Variants in PALS2 observed in about 807,000 individuals in gnomAD.
PALS2 encodes protein PALS2.
PALS2 carries 27 observed loss-of-function variants against 61.6 expected under a neutral mutation model. That is an observed-to-expected ratio of 0.44 (90% confidence interval 0.32 to 0.60). The LOEUF (loss-of-function observed/expected upper bound fraction) is 0.60. Among genes scored for constraint, PALS2 ranks in the 20% least tolerant of loss-of-function variants. The probability of loss-of-function intolerance (pLI) is 0.05; values close to 1 mark genes in which losing one functional copy is unlikely to be tolerated. For missense variants in PALS2, 554 were observed against 639.4 expected, an observed-to-expected ratio of 0.87 and a Z score of 1.44; for synonymous variants, 236 against 218.6, an observed-to-expected ratio of 1.08 and a Z score of -0.70.
rs1038578006 is a variant in PALS2, at chr7:24,689,181, A to G, written c.*1567A>G. ...CCTTTAGAAGCATTGACTTATACAA[A>G]TTCCCACATTCACCTCAGTTAATAT... On this transcript the variant is annotated 3_prime_UTR_variant, in exon 12 of 12. Coordinates refer to ENST00000222644, the MANE Select transcript of PALS2 (RefSeq NM_001303037.2). 1 of 152,224 alleles carries G rather than the reference A, an allele frequency of 6.6e-6. No homozygotes were observed. The highest frequency in any genetic ancestry group is 1.5e-5 in the Non-Finnish European group (1 of 68,038). The allele number at this position is 152,224 out of a possible 1,614,324, so 9.4% of individuals were successfully genotyped here. A position where few individuals can be genotyped will look rare whatever the true frequency, so the allele number is the denominator to read the frequency against.
chr7:24,645,901 T>C (rs1785807828), intron 3 of PALS2, among the ~76,000 whole-genome samples: 1 of 152,206 alleles, frequency 6.6e-6, no homozygotes, highest in South Asian at 2.1e-4. Flanking sequence ...ATTGCCTTTC[T>C]GATTTGGCTC....
chr7:24,637,792 G>A (rs766077110), intron 2 of PALS2, among the ~76,000 whole-genome samples: 2 of 152,148 alleles, frequency 1.3e-5, no homozygotes, highest in Non-Finnish European at 2.9e-5. Context: ...TTTCTCAAAG[G>A]TGCAGTGGTG....
intron 1 of PALS2, among the ~76,000 whole-genome samples, chr7:24,580,282 G>A (rs1441737197): frequency 1.3e-5 from 2 of 152,232 alleles, no homozygotes; most frequent in Admixed American, 6.5e-5. Flanking sequence ...GCTATCCTAC[G>A]CTAAAGGATT....
At chr7:24,666,148 G>C in intron 8 of PALS2, 59 bp downstream of exon 8, 1 of 1,443,206 alleles carries the variant, frequency 6.9e-7, no homozygotes, top group Non-Finnish European at 9.7e-7. Flanking sequence ...CATTTAGTGT[G>C]GCATAAACTC....
At chr7:24,641,499 G>T (rs1388174234) in intron 2 of PALS2, among the ~76,000 whole-genome samples, 2 of 151,896 alleles carry the variant, frequency 1.3e-5, no homozygotes, top group Non-Finnish European at 2.9e-5. Flanking sequence ...AGTTTTTCAT[G>T]ACTTTCAGGA....
chr7:24,679,211 A>G lies in PALS2; in HGVS notation c.1195A>G (p.Ile399Val), dbSNP rs1787787329. 1 of 1,613,940 alleles carries G rather than the reference A, an allele frequency of 6.2e-7. No individual in the cohort carries two copies. Among genetic ancestry groups the G allele is most frequent in the Non-Finnish European group, 8.5e-7 (1 of 1,179,898 alleles). The change falls in exon 10 of 12, where the codon ATT (isoleucine) becomes GTT (valine). Residue 399 changes from isoleucine (I) to valine (V), a missense_variant. Physicochemically the swap from Ile to Val is conservative, Grantham distance 29. Transcript: ENST00000222644. ...GTCACGATCTGAGATGGAAGCAGAT[A>G]TTAAAGCTGGAAAGTATTTGGAACA... is the stretch of plus-strand genomic sequence containing the variant. ...FVSRSEMEADIKAGKYLEHGE... is the reference protein window; with the variant it reads ...FVSRSEMEADVKAGKYLEHGE...
chr7:24,632,975 T>G (rs1005359959), intron 2 of PALS2, among the ~76,000 whole-genome samples: 12 of 152,052 alleles, frequency 7.9e-5, no homozygotes, highest in African/African-American at 2.7e-4. Context: ...TCGAATAACA[T>G]CATACCACTT....
In PALS2 at chr7:24,630,292, G is replaced by A. The variant is rs191341934; in HGVS notation, c.117+6508G>A. 2.3e-3 allele frequency among the ~76,000 whole-genome samples: 343 copies of A among 152,116 alleles called. 1 individual carries two copies. Among genetic ancestry groups the A allele is most frequent in the African/African-American group, 7.2e-3 (298 of 41,502 alleles). On this transcript the variant is annotated intron_variant, in intron 2 of 11. Transcript: ENST00000222644. ...TAAGTTGAACAATGAAGAACATATG[G>A]ACACAGGGAGGGGAACATCACACAC...
chr7:24,657,348 A>G (rs1786475120), intron 5 of PALS2, among the ~76,000 whole-genome samples: 1 of 152,196 alleles, frequency 6.6e-6, no homozygotes, highest in Non-Finnish European at 1.5e-5. Flanking sequence ...TGAAAGTTCC[A>G]ATTACTCTAC....
intron 1 of PALS2, among the ~76,000 whole-genome samples, chr7:24,585,947 C>T (rs1583831919): frequency 6.6e-6 from 1 of 152,182 alleles, no homozygotes; most frequent in East Asian, 1.9e-4. Flanking sequence ...ATCATCCAAA[C>T]TTGGAGTTCC....
chr7:24,604,117 G>A (rs1360462285), intron 1 of PALS2, among the ~76,000 whole-genome samples: 1 of 151,722 alleles, frequency 6.6e-6, no homozygotes, highest in African/African-American at 2.4e-5. Context: ...AGGCTGAGGT[G>A]GGAGGATTAC....
intron 5 of PALS2, among the ~76,000 whole-genome samples, chr7:24,651,781 G>C (rs577699894): frequency 6.6e-6 from 1 of 152,284 alleles, no homozygotes; most frequent in East Asian, 1.9e-4. Flanking sequence ...ATAAGATACT[G>C]CCAGTGTATC....
intron 1 of PALS2, among the ~76,000 whole-genome samples, chr7:24,591,397 G>A (rs940582458): frequency 6.6e-6 from 1 of 151,942 alleles, no homozygotes; most frequent in African/African-American, 2.4e-5. Flanking sequence ...GACATACGTG[G>A]GCTCTTACCA....
intron 1 of PALS2, among the ~76,000 whole-genome samples, chr7:24,607,900 T>C (rs1038538646): frequency 1.1e-4 from 17 of 152,250 alleles, no homozygotes; most frequent in Middle Eastern, 3.4e-3. Flanking sequence ...AAAATTGATG[T>C]ATTCAATTTT....
intron 1 of PALS2, among the ~76,000 whole-genome samples, chr7:24,594,840 A>G (rs1783438686): frequency 6.6e-6 from 1 of 152,152 alleles, no homozygotes; most frequent in Non-Finnish European, 1.5e-5. Flanking sequence ...ATTACTGATC[A>G]TAGATCATCA....
intron 5 of PALS2, among the ~76,000 whole-genome samples, chr7:24,658,704 G>A (rs1157711377): frequency 6.6e-6 from 1 of 151,608 alleles, no homozygotes; most frequent in Non-Finnish European, 1.5e-5. Flanking sequence ...CTACAGGCAC[G>A]TGCCACCAGG....
chr7:24,687,395 A>G lies in PALS2; in HGVS notation c.1447-43A>G, dbSNP rs1056111967. 1.4e-6 allele frequency: 2 copies of G among 1,466,936 alleles called. No homozygotes were observed. Among genetic ancestry groups the G allele is most frequent in the Non-Finnish European group, 1.9e-6 (2 of 1,063,984 alleles). The allele number at this position is 1,466,936 out of a possible 1,614,324, so 90.9% of individuals were successfully genotyped here. On this transcript the variant is annotated intron_variant, in intron 11 of 11. Coordinates refer to ENST00000222644, the MANE Select transcript of PALS2 (RefSeq NM_001303037.2). The surrounding 1 kb of genome is among the most constrained non-coding windows in gnomAD (Gnocchi z 4.5). ...CTAGTTGGAGTTTGAGCAAGTAAATATGCATTGTAATACAAACATTTCCTT... is the reference window on the plus strand; with the variant it reads ...CTAGTTGGAGTTTGAGCAAGTAAATGTGCATTGTAATACAAACATTTCCTT...
At chr7:24,668,852 T>G (rs1279455450) in intron 9 of PALS2, among the ~76,000 whole-genome samples, 192 bp downstream of exon 9, 1 of 152,230 alleles carries the variant, frequency 6.6e-6, no homozygotes, top group Non-Finnish European at 1.5e-5. Context: ...GCTGCAGTGC[T>G]GTTGGCTTGC....
chr7:24,598,614 T>A (rs1286818784), intron 1 of PALS2, among the ~76,000 whole-genome samples: 1 of 152,224 alleles, frequency 6.6e-6, no homozygotes, highest in Non-Finnish European at 1.5e-5. Context: ...CATTATAGAT[T>A]GGATAATCTG....
Sources: gnomAD v4.1 joint callset for allele counts (sites outside exome capture counted in the v4.1 genomes callset) on GRCh38, gnomAD v4.1.1 for gene constraint, Gnocchi (gnomAD v3.1) non-coding constraint, MANE v1.5 for transcripts, NCBI Gene and HGNC (gene_info 2026-07-23, HGNC 2026-07-21) for gene names.